PCCB: variants seen among roughly 807,000 people sequenced by gnomAD.
The protein encoded by PCCB is propionyl-CoA carboxylase subunit beta.
In PCCB, 43 loss-of-function variants were observed where a neutral mutation model predicts 60.7. The ratio of observed to expected loss-of-function variants is 0.71; its 90% confidence interval spans 0.55 to 0.91. PCCB has a LOEUF of 0.91. PCCB is among the 40% of genes least tolerant of loss of function. The pLI, the probability that PCCB is intolerant of heterozygous loss-of-function variation, is 0.00. For synonymous variants in PCCB, 276 were observed against 255.9 expected, an observed-to-expected ratio of 1.08 and a Z score of -0.75; for missense variants, 766 against 702.8, an observed-to-expected ratio of 1.09 and a Z score of -1.02.
chr3:136,268,084 G>GTAGA (rs1364032921), intron 5 of PCCB, among the ~76,000 whole-genome samples: 3 of 60,944 alleles, frequency 4.9e-5, no homozygotes, highest in Admixed American at 3.5e-4. Context: ...GTGTGTGTGT[G>GTAGA]TAGATATATA....
At chr3:136,263,047 TG>T (rs1386881854) in intron 5 of PCCB, among the ~76,000 whole-genome samples, 1 of 149,362 alleles carries the variant, frequency 6.7e-6, no homozygotes, top group Non-Finnish European at 1.5e-5. Flanking sequence ...CTCTGCCTCC[TG>T]GGCTCAAGTG....
chr3:136,282,158 G>A (rs1942492276), intron 5 of PCCB, among the ~76,000 whole-genome samples: 1 of 152,170 alleles, frequency 6.6e-6, no homozygotes, highest in Admixed American at 6.5e-5. Flanking sequence ...AGCTACACTA[G>A]GAACATCCTC....
At chr3:136,263,536 T>G (rs1381864761) in intron 5 of PCCB, among the ~76,000 whole-genome samples, 1 of 152,038 alleles carries the variant, frequency 6.6e-6, no homozygotes, top group African/African-American at 2.4e-5. Context: ...CCTCCCAAAG[T>G]GCTGGGATTA....
At chr3:136,287,724 C>CTATAGTA (rs1183603415) in intron 6 of PCCB, among the ~76,000 whole-genome samples, 6 of 152,222 alleles carry the variant, frequency 3.9e-5, no homozygotes, top group Admixed American at 6.5e-5. Context: ...GCATGAGCCA[C>CTATAGTA]TGCGCCCAGT....
intron 9 of PCCB, among the ~76,000 whole-genome samples, chr3:136,313,745 TTAATC>T (rs1318695146): frequency 2.0e-5 from 3 of 152,190 alleles, no homozygotes; most frequent in Non-Finnish European, 2.9e-5. Context: ...CTATATACCT[TTAATC>T]TAAAGACCAA....
intron 8 of PCCB, among the ~76,000 whole-genome samples, chr3:136,298,357 T>C (rs1421606120): frequency 1.3e-5 from 2 of 152,238 alleles, no homozygotes; most frequent in Non-Finnish European, 2.9e-5. Flanking sequence ...TCTCAAGTTA[T>C]CTAGAATTAG....
chr3:136,299,346 A>G (rs1008533124), intron 8 of PCCB, among the ~76,000 whole-genome samples: 5 of 151,942 alleles, frequency 3.3e-5, no homozygotes, highest in African/African-American at 9.7e-5. Flanking sequence ...ACACACATAC[A>G]CATGCATACA....
At chr3:136,273,590 CTTTTTTCTTTTTTTTTTTT>C (rs1942258364) in intron 5 of PCCB, among the ~76,000 whole-genome samples, 1 of 65,638 alleles carries the variant, frequency 1.5e-5, no homozygotes, top group Non-Finnish European at 3.2e-5. Flanking sequence ...TTTTTTTTTT[CTTTTTTCTTTTTTTTTTTT>C]TTTTTTTTTT....
intron 7 of PCCB, among the ~76,000 whole-genome samples, chr3:136,296,361 T>C (rs1933940772): frequency 6.6e-6 from 1 of 152,244 alleles, no homozygotes; most frequent in African/African-American, 2.4e-5. Context: ...AATCATATAA[T>C]ATGTGATCTT....
At chr3:136,284,053 A>C in intron 6 of PCCB, 106 bp downstream of exon 6, 4 of 763,378 alleles carry the variant, frequency 5.2e-6, no homozygotes, top group South Asian at 1.4e-5. Flanking sequence ...CTGCATTCTC[A>C]TTGGCTTTCA....
At chr3:136,277,280 G>A (rs1418390813) in intron 5 of PCCB, among the ~76,000 whole-genome samples, 1 of 152,202 alleles carries the variant, frequency 6.6e-6, no homozygotes, top group Non-Finnish European at 1.5e-5. Context: ...CTTAGGTCAT[G>A]CACTGGTTTT....
chr3:136,314,208 G>T (rs1560026879), intron 9 of PCCB, among the ~76,000 whole-genome samples: 2 of 152,176 alleles, frequency 1.3e-5, no homozygotes, highest in South Asian at 2.1e-4. Context: ...CCAGCATGAA[G>T]GAACTTTGGT....
chr3:136,305,746 TAAA>T (rs539854504), intron 9 of PCCB, among the ~76,000 whole-genome samples: 5 of 83,276 alleles, frequency 6.0e-5, no homozygotes, highest in Non-Finnish European at 1.1e-4. Flanking sequence ...AAACTGTCTC[TAAA>T]AAAAAAAAAA....
At chr3:136,294,077 C>G (rs1560016021) in intron 7 of PCCB, among the ~76,000 whole-genome samples, 1 of 152,064 alleles carries the variant, frequency 6.6e-6, no homozygotes, top group African/African-American at 2.4e-5. Flanking sequence ...AAATAACACG[C>G]TATTAGTAAT....
At chr3:136,258,340 G>A (rs1016019872) in intron 3 of PCCB, among the ~76,000 whole-genome samples, 20 of 152,188 alleles carry the variant, frequency 1.3e-4, no homozygotes, top group Non-Finnish European at 2.9e-4. Flanking sequence ...CAGAACGGAT[G>A]TAACTACAGA....
At chr3:136,257,362 A>G (rs1199570995) in intron 3 of PCCB, among the ~76,000 whole-genome samples, 1 of 152,220 alleles carries the variant, frequency 6.6e-6, no homozygotes, top group East Asian at 1.9e-4. Context: ...GGTAAAGGCA[A>G]GAAAACACAT....
chr3:136,286,825 G>GT (rs1252064797), intron 6 of PCCB, among the ~76,000 whole-genome samples: 1 of 152,038 alleles, frequency 6.6e-6, no homozygotes, highest in East Asian at 1.9e-4. Flanking sequence ...GAGGCTAGTA[G>GT]TTTGAGACCA....
chr3:136,292,736 A>T (rs1168171531), intron 6 of PCCB, among the ~76,000 whole-genome samples: 1 of 151,736 alleles, frequency 6.6e-6, no homozygotes, highest in East Asian at 1.9e-4. Flanking sequence ...TTTGTGTTAG[A>T]TAATGTTTGT....
chr3:136,302,185 G>T (rs1934315810), intron 9 of PCCB, among the ~76,000 whole-genome samples: 3 of 65,626 alleles, frequency 4.6e-5, no homozygotes, highest in African/African-American at 9.2e-5. Flanking sequence ...TGCAAGCTGT[G>T]TGCAAACTGC....
Sources: allele counts gnomAD v4.1 joint callset (sites outside exome capture counted in the v4.1 genomes callset), GRCh38; gene constraint gnomAD v4.1.1; transcripts MANE v1.5; gene names NCBI Gene and HGNC (gene_info 2026-07-23, HGNC 2026-07-21).